The following SOX6 variants were observed in gnomAD, a reference collection of about 807,000 sequenced individuals.
SOX6 encodes the protein SRY-box transcription factor 6, also known as transcription factor SOX-6.
Under a neutral mutation model 97.8 loss-of-function variants are expected in SOX6, and 11 were observed. That is an observed-to-expected ratio of 0.11 (90% CI 0.07 to 0.19). The LOEUF (loss-of-function observed/expected upper bound fraction) is 0.19. Among genes scored for constraint, SOX6 ranks in the 10% least tolerant of loss-of-function variants. SOX6 has a pLI of 1.00. For missense variants in SOX6, 810 were observed against 1,039.5 expected (o/e 0.78, Z 3.04); for synonymous variants, 360 against 371.4 (o/e 0.97, Z 0.35).
chr11:16,327,941 C>A (rs1393389725), intron 2 of SOX6, among the ~76,000 whole-genome samples: 1 of 152,118 alleles, frequency 6.6e-6, no homozygotes, highest in Non-Finnish European at 1.5e-5. Context: ...TCACTTGTAC[C>A]CTTTCCTGTA....
chr11:15,987,721 GA>G (rs5789929), intron 14 of SOX6, among the ~76,000 whole-genome samples: 112 of 136,542 alleles, frequency 8.2e-4, no homozygotes, highest in African/African-American at 1.7e-3. Context: ...CATTTAACTA[GA>G]AAAAAAAAAA....
At chr11:16,308,362 A>T (rs1458455523) in intron 3 of SOX6, among the ~76,000 whole-genome samples, 1 of 152,216 alleles carries the variant, frequency 6.6e-6, no homozygotes, top group East Asian at 1.9e-4. Flanking sequence ...AATTTTACAA[A>T]TTGTCCTTTA....
chr11:16,697,880 A>T (rs1377621378), intron 3 of SOX6, among the ~76,000 whole-genome samples: 1 of 152,240 alleles, frequency 6.6e-6, no homozygotes, highest in Non-Finnish European at 1.5e-5. Context: ...CGTAGTTCTC[A>T]ACAGTGGGCT....
At chr11:16,128,722 A>ACT (rs2134016407) in intron 6 of SOX6, among the ~76,000 whole-genome samples, 1 of 152,248 alleles carries the variant, frequency 6.6e-6, no homozygotes, top group Admixed American at 6.5e-5. Flanking sequence ...AGGCCTAACT[A>ACT]CTACATTTGA....
In SOX6 at chr11:16,187,037, G is replaced by C. The variant is rs529868750; in HGVS notation, c.536-82C>G. 508 of 1,457,716 alleles carry C rather than the reference G, an allele frequency of 3.5e-4. 3 individuals are homozygous for C. In the Admixed American group the frequency reaches 8.2e-3, roughly 24 times the overall value. 90.3% of individuals were successfully genotyped at this position (1,457,716 alleles called of 1,614,324 possible). ...GGAAAGGAGGGCAGAATTTAGAAAG[G>C]GACTATCCTAAGACATTTAAAGATC... On this transcript the variant is annotated intron_variant, in intron 4 of 15. Coordinates refer to ENST00000683767, the MANE Select transcript of SOX6 (RefSeq NM_001367873.1).
intron 15 of SOX6, among the ~76,000 whole-genome samples, chr11:15,979,042 C>CACATATATATATATAT (rs1853585964): frequency 9.3e-6 from 1 of 107,100 alleles, no homozygotes; most frequent in African/African-American, 3.6e-5. Flanking sequence ...ATATATTTTA[C>CACATATATATATATAT]ATATATATAT....
chr11:16,277,088 T>C (rs1283547508), intron 3 of SOX6, among the ~76,000 whole-genome samples: 3 of 152,186 alleles, frequency 2.0e-5, no homozygotes, highest in African/African-American at 7.2e-5. Context: ...ATCCTTGCTC[T>C]AAGGCAGATT....
chr11:16,518,628 C>G (rs186446087), intron 4 of SOX6, among the ~76,000 whole-genome samples: 6 of 152,082 alleles, frequency 3.9e-5, no homozygotes, highest in East Asian at 3.9e-4. Context: ...AAAATCCTTA[C>G]GCAAACAAAC....
At chr11:16,696,350 A>G (rs1848053661) in intron 3 of SOX6, among the ~76,000 whole-genome samples, 1 of 152,168 alleles carries the variant, frequency 6.6e-6, no homozygotes, top group Non-Finnish European at 1.5e-5. Context: ...CCTGATATGT[A>G]AAATAAAGAC....
At chr11:16,004,017 C>CAT (rs200734006) in intron 13 of SOX6, among the ~76,000 whole-genome samples, 13 of 150,554 alleles carry the variant, frequency 8.6e-5, no homozygotes, top group South Asian at 2.1e-4. Context: ...ATATATAATA[C>CAT]ATATATATAT....
intron 2 of SOX6, among the ~76,000 whole-genome samples, chr11:16,720,047 A>T (rs1259902540): frequency 6.6e-6 from 1 of 152,210 alleles, no homozygotes; most frequent in Non-Finnish European, 1.5e-5. Context: ...TATCCCTGGG[A>T]TGCAAGGCTG....
chr11:16,146,083 G>A (rs1301004547), intron 6 of SOX6, among the ~76,000 whole-genome samples: 8 of 151,990 alleles, frequency 5.3e-5, no homozygotes, highest in South Asian at 2.1e-4. Flanking sequence ...GAGGCATCAC[G>A]CTACCTGACT....
At chr11:16,136,581 A>G (rs1316206705) in intron 6 of SOX6, among the ~76,000 whole-genome samples, 1 of 151,918 alleles carries the variant, frequency 6.6e-6, no homozygotes, top group African/African-American at 2.4e-5. Context: ...TTGTAGAGAT[A>G]TGGTCACACC....
At chr11:16,220,976 T>C (rs545929757) in intron 4 of SOX6, among the ~76,000 whole-genome samples, 1 of 152,124 alleles carries the variant, frequency 6.6e-6, no homozygotes, top group South Asian at 2.1e-4. Flanking sequence ...CTCTGAAGTC[T>C]TAAATGTGAC....
At chr11:16,072,250 C>A (rs1848243801) in intron 9 of SOX6, among the ~76,000 whole-genome samples, 1 of 151,950 alleles carries the variant, frequency 6.6e-6, no homozygotes, top group South Asian at 2.1e-4. Context: ...TAAAAAGAAC[C>A]AAACTGAACT....
At chr11:16,133,175 T>C (rs893582279) in intron 6 of SOX6, among the ~76,000 whole-genome samples, 1 of 152,224 alleles carries the variant, frequency 6.6e-6, no homozygotes, top group Non-Finnish European at 1.5e-5. Flanking sequence ...TATTTCAAAA[T>C]AGTTCAGTGC....
chr11:16,387,558 A>C (rs1454738495), intron 1 of SOX6, among the ~76,000 whole-genome samples: 4 of 152,116 alleles, frequency 2.6e-5, no homozygotes, highest in Non-Finnish European at 5.9e-5. Context: ...AAAAAGATTA[A>C]GCAAAGTCCT....
intron 15 of SOX6, among the ~76,000 whole-genome samples, chr11:15,974,640 G>A (rs1388016820): frequency 6.7e-6 from 1 of 150,058 alleles, no homozygotes; most frequent in African/African-American, 2.5e-5. Flanking sequence ...AATATGCGGT[G>A]TTTGGTTTAT....
At chr11:16,160,989 G>C (rs1030100379) in intron 6 of SOX6, among the ~76,000 whole-genome samples, 3 of 152,078 alleles carry the variant, frequency 2.0e-5, no homozygotes, top group Non-Finnish European at 4.4e-5. Flanking sequence ...TTAAATATTT[G>C]ATTGCTTAGC....
Sources: gnomAD v4.1 joint callset for allele counts (sites outside exome capture counted in the v4.1 genomes callset) on GRCh38, gnomAD v4.1.1 for gene constraint, MANE v1.5 for transcripts, NCBI Gene and HGNC (gene_info 2026-07-23, HGNC 2026-07-21) for gene names.